The following DGKI variants were observed in gnomAD, a reference collection of about 807,000 sequenced individuals.
The protein encoded by DGKI is diacylglycerol kinase iota, also known as DAG kinase iota.
In DGKI, 55 loss-of-function variants were observed where a neutral mutation model predicts 147.5. The observed-to-expected ratio is 0.37, with a 90% CI of 0.30 to 0.47. The LOEUF is 0.47. Among genes scored for constraint, DGKI ranks in the 20% least tolerant of loss-of-function variants. The probability of loss-of-function intolerance (pLI) is 1.00; values close to 1 mark genes in which losing one functional copy is unlikely to be tolerated. For synonymous variants in DGKI, 469 were observed against 477.1 expected (o/e 0.98, Z 0.22); for missense variants, 1,007 against 1,323.8 (o/e 0.76, Z 3.71).
intron 1 of DGKI, among the ~76,000 whole-genome samples, chr7:137,780,453 C>A (rs953598865): frequency 9.2e-5 from 14 of 152,152 alleles, no homozygotes; most frequent in African/African-American, 3.4e-4. Context: ...TCATTGTAAG[C>A]AATTCCTGTA....
chr7:137,575,619 G>A (rs1818944805), intron 17 of DGKI, among the ~76,000 whole-genome samples: 1 of 152,208 alleles, frequency 6.6e-6, no homozygotes, highest in South Asian at 2.1e-4. Flanking sequence ...AACAGGGGAA[G>A]TTTAATGTAA....
chr7:137,642,505 T>C (rs1821666287), intron 6 of DGKI, among the ~76,000 whole-genome samples: 2 of 152,210 alleles, frequency 1.3e-5, no homozygotes, highest in African/African-American at 2.4e-5. Flanking sequence ...CATTAAACTC[T>C]CATCAAATTA....
chr7:137,439,035 G>C (rs140846765), intron 28 of DGKI, among the ~76,000 whole-genome samples: 190 of 152,250 alleles, frequency 1.2e-3, no homozygotes, highest in African/African-American at 4.5e-3. Context: ...TGAAGGAGAG[G>C]GAAGGGGACA....
chr7:137,671,352 G>A (rs763717985), intron 3 of DGKI, among the ~76,000 whole-genome samples: 6 of 152,160 alleles, frequency 3.9e-5, no homozygotes, highest in Admixed American at 1.3e-4. Context: ...TCAGTTGTCC[G>A]CAGTCATGAC....
At chr7:137,754,505 C>A (rs1486749760) in intron 1 of DGKI, among the ~76,000 whole-genome samples, 1 of 152,176 alleles carries the variant, frequency 6.6e-6, no homozygotes, top group Non-Finnish European at 1.5e-5. Context: ...CCAGATGCAG[C>A]AAGGGACGTT....
intron 27 of DGKI, among the ~76,000 whole-genome samples, chr7:137,456,545 T>A (rs1317600801): frequency 6.6e-6 from 1 of 152,112 alleles, no homozygotes; most frequent in Non-Finnish European, 1.5e-5. Flanking sequence ...AAATGCACAG[T>A]TTGGTCATCC....
At chr7:137,572,008 T>C (rs897162363) in intron 18 of DGKI, among the ~76,000 whole-genome samples, 1 of 152,344 alleles carries the variant, frequency 6.6e-6, no homozygotes, top group African/African-American at 2.4e-5. Context: ...ACTGACTATA[T>C]TGAGCACTGC....
intron 28 of DGKI, among the ~76,000 whole-genome samples, chr7:137,417,332 G>C (rs1268067300): frequency 6.6e-6 from 1 of 152,200 alleles, no homozygotes; most frequent in Non-Finnish European, 1.5e-5. Flanking sequence ...GTAGGGAACT[G>C]AGAAATTTTT....
intron 11 of DGKI, among the ~76,000 whole-genome samples, chr7:137,599,553 G>T (rs1819914316): frequency 6.6e-6 from 1 of 152,194 alleles, no homozygotes; most frequent in Non-Finnish European, 1.5e-5. Context: ...TCACAGATTT[G>T]CAGAGAATAA....
intron 1 of DGKI, among the ~76,000 whole-genome samples, chr7:137,764,956 G>A (rs1326131020): frequency 6.6e-6 from 1 of 152,072 alleles, no homozygotes; most frequent in Admixed American, 6.6e-5. Flanking sequence ...AGGGTAACTT[G>A]CCTAAAGTTT....
intron 30 of DGKI, 67 bp from the exon 31 acceptor site, chr7:137,397,480 T>A (rs1362880099): frequency 6.6e-7 from 1 of 1,508,358 alleles, no homozygotes; most frequent in East Asian, 2.3e-5. Flanking sequence ...ACAGAAAATC[T>A]ATAGTCACAG....
intron 1 of DGKI, among the ~76,000 whole-genome samples, chr7:137,706,126 T>C (rs1025764529): frequency 2.0e-5 from 3 of 151,992 alleles, no homozygotes; most frequent in Non-Finnish European, 2.9e-5. Context: ...TAAAGGATAA[T>C]TTAAAGATAA....
intron 1 of DGKI, among the ~76,000 whole-genome samples, chr7:137,708,122 T>C (rs1794098679): frequency 6.6e-6 from 1 of 152,202 alleles, no homozygotes; most frequent in Admixed American, 6.5e-5. Flanking sequence ...CACTAAGATG[T>C]CTCTTTACAG....
At chr7:137,642,710 A>C (rs377432377) in intron 6 of DGKI, among the ~76,000 whole-genome samples, 1 of 152,126 alleles carries the variant, frequency 6.6e-6, no homozygotes, top group Admixed American at 6.5e-5. Context: ...TGCCACACAC[A>C]CTCAGCCAAA....
At chr7:137,620,569 G>C (rs1314594205) in intron 7 of DGKI, among the ~76,000 whole-genome samples, 2 of 152,058 alleles carry the variant, frequency 1.3e-5, no homozygotes, top group African/African-American at 4.8e-5. Context: ...GATTGCTTCT[G>C]TTGGGTTTGT....
At position 137,490,862 on chromosome 7, in the gene DGKI, A is replaced by T. The variant is rs970478370; in HGVS notation, c.2249-3173T>A. Among the ~76,000 whole-genome samples, 8 of 152,196 alleles carry T rather than the reference A, an allele frequency of 5.3e-5. No homozygotes were observed. The South Asian group carries it at 8.3e-4, about 16-fold the overall frequency. On this transcript the variant is annotated intron_variant, in intron 21 of 32. Transcript: ENST00000614521. ...GTTAATACTCAACCTTCACAATGGA[A>T]CTTTTATTGCAGGGATTAAATGGAA...
At chr7:137,466,104 T>C (rs1339838906) in intron 25 of DGKI, 69 bp from the exon 26 acceptor site, 1 of 1,565,372 alleles carries the variant, frequency 6.4e-7, no homozygotes, top group Non-Finnish European at 8.7e-7. Context: ...CGAGGAATAA[T>C]GAAATTCTGC....
At chr7:137,559,474 C>T (rs1243754520) in intron 19 of DGKI, among the ~76,000 whole-genome samples, 1 of 151,962 alleles carries the variant, frequency 6.6e-6, no homozygotes, top group Non-Finnish European at 1.5e-5. Context: ...TGTCCAGCCA[C>T]TCTAAACTGC....
intron 20 of DGKI, among the ~76,000 whole-genome samples, chr7:137,529,267 T>C (rs1817255676): frequency 6.6e-6 from 1 of 152,128 alleles, no homozygotes; most frequent in South Asian, 2.1e-4. Flanking sequence ...AAAGGCCTGA[T>C]TCACCACTAT....
Sources: allele counts gnomAD v4.1 joint callset (sites outside exome capture counted in the v4.1 genomes callset), GRCh38; gene constraint gnomAD v4.1.1; transcripts MANE v1.5; gene names NCBI Gene and HGNC (gene_info 2026-07-23, HGNC 2026-07-21).